SPOCK1: variants seen among roughly 807,000 people sequenced by gnomAD.
SPOCK1 encodes testican-1.
In SPOCK1, 23 loss-of-function variants were observed where a neutral mutation model predicts 55.3. The ratio of observed to expected loss-of-function variants is 0.42; its 90% CI spans 0.30 to 0.59. The LOEUF (loss-of-function observed/expected upper bound fraction) is 0.59, where lower values mean the gene tolerates loss of function less well. SPOCK1 is among the 20% of genes least tolerant of loss of function. The probability of loss-of-function intolerance (pLI) is 0.22; values close to 1 mark genes in which losing one functional copy is unlikely to be tolerated. For missense variants in SPOCK1, 499 were observed against 552.5 expected (o/e 0.90, Z 0.97); for synonymous variants, 226 against 221.0 (o/e 1.02, Z -0.20).
chr5:137,054,481 A>G (rs1416662864), intron 6 of SPOCK1, among the ~76,000 whole-genome samples: 4 of 152,206 alleles, frequency 2.6e-5, no homozygotes, highest in Admixed American at 6.5e-5. Context: ...CAAGACAGAA[A>G]GCAAAGGCAG....
At chr5:137,491,762 C>T (rs1026403750) in intron 2 of SPOCK1, among the ~76,000 whole-genome samples, 17 of 152,162 alleles carry the variant, frequency 1.1e-4, no homozygotes, top group African/African-American at 4.1e-4. Flanking sequence ...AAGAGGTTTG[C>T]TCAGGAGGCA....
At chr5:137,010,082 C>T (rs1375832654) in intron 6 of SPOCK1, among the ~76,000 whole-genome samples, 1 of 152,042 alleles carries the variant, frequency 6.6e-6, no homozygotes, top group African/African-American at 2.4e-5. Flanking sequence ...TCCCCAGGGC[C>T]CTATTCATGC....
intron 7 of SPOCK1, among the ~76,000 whole-genome samples, chr5:136,991,039 T>C (rs2126963453): frequency 6.6e-6 from 1 of 152,256 alleles, no homozygotes; most frequent in African/African-American, 2.4e-5. Flanking sequence ...ACCAACATCA[T>C]GCTTTAACAT....
At chr5:137,192,885 A>G (rs949793083) in intron 3 of SPOCK1, among the ~76,000 whole-genome samples, 4 of 152,232 alleles carry the variant, frequency 2.6e-5, no homozygotes, top group African/African-American at 9.7e-5. Context: ...TAGTAAAAAC[A>G]TACACATGGG....
chr5:137,116,383 G>C lies in SPOCK1; in HGVS notation c.348-3822C>G, dbSNP rs553733600. On this transcript the variant is annotated intron_variant, in intron 4 of 10. Coordinates refer to ENST00000394945, the MANE Select transcript of SPOCK1 (RefSeq NM_004598.4). ...CTTCAGCTGGGTGCTGTGGCTCAAC[G>C]CCTAAAATCCCAGCACTTTGGGAGG... Among the ~76,000 whole-genome samples the C allele has an allele frequency of 2.2e-4, 34 of 152,170 alleles. 1 individual carries two copies. In the Middle Eastern group the frequency reaches 0.02, roughly 91 times the overall value.
chr5:137,341,726 C>G (rs142417912), intron 2 of SPOCK1, among the ~76,000 whole-genome samples: 25 of 152,270 alleles, frequency 1.6e-4, no homozygotes, highest in African/African-American at 6.0e-4. Context: ...AGAGTAGAGA[C>G]GACACTTCCC....
At chr5:137,306,374 C>T (rs201848334) in intron 2 of SPOCK1, among the ~76,000 whole-genome samples, 1 of 152,196 alleles carries the variant, frequency 6.6e-6, no homozygotes, top group East Asian at 1.9e-4. Context: ...AATGCTCATG[C>T]TTTGTTCCTC....
chr5:137,286,614 C>T (rs1757271736), intron 2 of SPOCK1, among the ~76,000 whole-genome samples: 1 of 152,152 alleles, frequency 6.6e-6, no homozygotes, highest in African/African-American at 2.4e-5. Context: ...GGAGGACCAG[C>T]CTCACCAAAA....
chr5:137,171,308 T>A (rs1335731400), intron 3 of SPOCK1, among the ~76,000 whole-genome samples: 1 of 152,144 alleles, frequency 6.6e-6, no homozygotes. Flanking sequence ...CTCTTGCATA[T>A]CTTTCTCCCT....
chr5:137,226,626 C>T (rs1262850792), intron 3 of SPOCK1, among the ~76,000 whole-genome samples: 1 of 152,174 alleles, frequency 6.6e-6, no homozygotes, highest in Admixed American at 6.5e-5. Context: ...TCACAGCTTC[C>T]AGTCTCCTCT....
At chr5:137,354,196 G>A (rs762950866) in intron 2 of SPOCK1, among the ~76,000 whole-genome samples, 6 of 152,096 alleles carry the variant, frequency 3.9e-5, no homozygotes, top group Admixed American at 6.6e-5. Context: ...CCCAGCCCTC[G>A]CCACACTAAG....
chr5:137,055,201 A>G (rs894206508), intron 6 of SPOCK1, among the ~76,000 whole-genome samples: 2 of 152,246 alleles, frequency 1.3e-5, no homozygotes, highest in Non-Finnish European at 2.9e-5. Flanking sequence ...CTGTGGTTGT[A>G]TCTGGTCCTA....
intron 2 of SPOCK1, among the ~76,000 whole-genome samples, chr5:137,341,176 C>T (rs1313140559): frequency 3.9e-5 from 6 of 152,232 alleles, no homozygotes; most frequent in African/African-American, 9.6e-5. Flanking sequence ...ATGTTCTGCA[C>T]GCGCTTGGCA....
intron 2 of SPOCK1, among the ~76,000 whole-genome samples, chr5:137,431,529 C>T (rs747950575): frequency 2.6e-5 from 4 of 152,138 alleles, no homozygotes; most frequent in South Asian, 2.1e-4. Flanking sequence ...ATTTGATCCC[C>T]GGTGTGGTGG....
chr5:137,232,312 T>A (rs1594903), intron 3 of SPOCK1, among the ~76,000 whole-genome samples: 1 of 152,200 alleles, frequency 6.6e-6, no homozygotes, highest in Non-Finnish European at 1.5e-5. Context: ...AAAAGTTGTA[T>A]AGTTTTAAAT....
rs150621975 is a variant in SPOCK1, at chr5:137,236,678, G to A, written c.232+30332C>T. Among the ~76,000 whole-genome samples, 157 of 152,226 alleles carry A rather than the reference G, an allele frequency of 1.0e-3. 4 individuals are homozygous for A. In the Middle Eastern group the frequency reaches 0.014, roughly 13 times the overall value. On this transcript the variant is annotated intron_variant, in intron 3 of 10. Coordinates refer to ENST00000394945, the MANE Select transcript of SPOCK1 (RefSeq NM_004598.4). ...CTATGGTCATATCTGACCTGGATTGGGGAGGGAATGGTTTAGAATCAGCTC... is the reference window on the plus strand; with the variant it reads ...CTATGGTCATATCTGACCTGGATTGAGGAGGGAATGGTTTAGAATCAGCTC...
At chr5:137,276,227 C>T (rs543927266) in intron 2 of SPOCK1, among the ~76,000 whole-genome samples, 4 of 152,350 alleles carry the variant, frequency 2.6e-5, no homozygotes, top group South Asian at 2.1e-4. Context: ...ATGCTCTCTT[C>T]GTTCCCCAAA....
At chr5:137,035,805 C>G (rs1415211168) in intron 6 of SPOCK1, among the ~76,000 whole-genome samples, 2 of 152,222 alleles carry the variant, frequency 1.3e-5, no homozygotes, top group Non-Finnish European at 2.9e-5. Context: ...CTTGCCTTCT[C>G]TCTTAGCTAA....
chr5:137,301,816 A>C (rs556928258), intron 2 of SPOCK1, among the ~76,000 whole-genome samples: 1 of 152,120 alleles, frequency 6.6e-6, no homozygotes, highest in South Asian at 2.1e-4. Context: ...AGCTGATTTC[A>C]GGTTTTCTAT....
Sources: allele counts gnomAD v4.1 joint callset (sites outside exome capture counted in the v4.1 genomes callset), GRCh38; gene constraint gnomAD v4.1.1; transcripts MANE v1.5; gene names NCBI Gene and HGNC (gene_info 2026-07-23, HGNC 2026-07-21).